The following DIP2A variants were observed in gnomAD, a reference collection of about 807,000 sequenced individuals.
DIP2A encodes the protein DIP2 acetate--CoA ligase A, also known as disco-interacting protein 2 homolog A.
DIP2A carries 85 observed loss-of-function variants against 177.4 expected under a neutral mutation model. The ratio of observed to expected loss-of-function variants is 0.48; its 90% CI spans 0.40 to 0.57. The LOEUF (loss-of-function observed/expected upper bound fraction) is 0.57. DIP2A is among the 20% of genes least tolerant of loss of function. The pLI, the probability that DIP2A is intolerant of heterozygous loss-of-function variation, is 0.00. For synonymous variants in DIP2A, 886 were observed against 881.8 expected (o/e 1.00, Z -0.08); for missense variants, 1,791 against 2,100.2 (o/e 0.85, Z 2.88).
chr21:46,525,116 ACC>A (rs2059018648), intron 8 of DIP2A, among the ~76,000 whole-genome samples: 1 of 151,396 alleles, frequency 6.6e-6, no homozygotes. Context: ...CGAACTCCTG[ACC>A]TCAGGTGATC....
At position 46,522,811 on chromosome 21, in the gene DIP2A, G is replaced by A. The variant is rs73373915; in HGVS notation, c.1103-6281G>A. ...GGAAAACAGAGGTTCTTCCCAAAAT[G>A]GGGTCTGTGGCTCCTCCTCTGTTTC... On this transcript the variant is annotated intron_variant, in intron 8 of 37. Coordinates refer to ENST00000417564, the MANE Select transcript of DIP2A (RefSeq NM_015151.4). Among the ~76,000 whole-genome samples the A allele has an allele frequency of 2.7e-3, 414 of 152,284 alleles. 3 individuals carry two copies. Among genetic ancestry groups the A allele is most frequent in the African/African-American group, 9.5e-3 (393 of 41,562 alleles).
rs757490648 is a variant in DIP2A, at chr21:46,554,633, C to T, written c.3213C>T (p.Thr1071=). ...GCLYCGCVPV[T]VRPPHPQNLG... Reference sequence around the variant, plus strand: ...TGTACTGTGGCTGCGTGCCTGTCACCGTGCGGCCCCCGCACCCTCAGAACC... The same window carrying T: ...TGTACTGTGGCTGCGTGCCTGTCACTGTGCGGCCCCCGCACCCTCAGAACC... The change falls in exon 27 of 38, where the codon ACC becomes ACT. Residue 1071 remains threonine, a synonymous_variant. Transcript: ENST00000417564. 17 of 1,602,510 alleles carry T rather than the reference C, an allele frequency of 1.1e-5. No individual in the cohort carries two copies. The highest frequency in any genetic ancestry group is 4.5e-5 in the East Asian group (2 of 44,340).
chr21:46,554,021 T>C, intron 25 of DIP2A, 148 bp from the exon 26 acceptor site: 1 of 1,097,784 alleles, frequency 9.1e-7, no homozygotes, highest in Non-Finnish European at 1.2e-6. Flanking sequence ...ACACCAGCCG[T>C]ACGTCTAGGA....
intron 13 of DIP2A, among the ~76,000 whole-genome samples, chr21:46,536,565 C>T (rs1381351729): frequency 6.6e-6 from 1 of 152,184 alleles, no homozygotes; most frequent in Non-Finnish European, 1.5e-5. Flanking sequence ...TTCATCCCCA[C>T]CTCTTGATTC....
intron 32 of DIP2A, among the ~76,000 whole-genome samples, chr21:46,559,273 A>G (rs2060585423): frequency 6.6e-6 from 1 of 152,194 alleles, no homozygotes; most frequent in Non-Finnish European, 1.5e-5. Flanking sequence ...ATGGCTTTTT[A>G]GATAACCCTA....
intron 11 of DIP2A, 92 bp downstream of exon 11, chr21:46,533,739 C>T: frequency 6.4e-7 from 1 of 1,553,238 alleles, no homozygotes; most frequent in Non-Finnish European, 8.7e-7. Context: ...ACAGAGGTGT[C>T]TGGGTCTTCA....
rs2059382148 is a variant in DIP2A, at chr21:46,532,174, A to G, written c.1242A>G (p.Ala414=). 1 of 1,613,784 alleles carries G rather than the reference A, an allele frequency of 6.2e-7. No homozygotes were observed. The stretch of plus-strand genomic sequence containing the variant: ...GTGACCCTGTGATGTTCATGGTTGC[A>G]TTTTATGGGTGTCTCCTGGCAGAGC... The part of the protein sequence containing the change: ...PNSDPVMFMV[A]FYGCLLAELV... Residue 414 remains alanine (A), a synonymous_variant, in exon 10 of 38, where the codon GCA becomes GCG. Transcript: ENST00000417564.
intron 8 of DIP2A, among the ~76,000 whole-genome samples, chr21:46,520,132 C>T (rs2058762702): frequency 6.6e-6 from 1 of 152,074 alleles, no homozygotes; most frequent in African/African-American, 2.4e-5. Flanking sequence ...TCTCGGCCTC[C>T]TCAAGTGCTG....
chr21:46,561,988 G>T, intron 34 of DIP2A, 183 bp downstream of exon 34: 1 of 919,252 alleles, frequency 1.1e-6, no homozygotes, highest in Admixed American at 6.2e-5. Context: ...GAATTACTTA[G>T]TTATGTTTTT....
intron 8 of DIP2A, among the ~76,000 whole-genome samples, chr21:46,523,545 C>T (rs970419085): frequency 6.6e-6 from 1 of 151,824 alleles, no homozygotes; most frequent in African/African-American, 2.4e-5. Flanking sequence ...GCACCTGGCC[C>T]ATAGTGCTTT....
intron 8 of DIP2A, among the ~76,000 whole-genome samples, chr21:46,519,855 A>AT (rs59574579): frequency 0.012 from 634 of 53,012 alleles, 194 homozygotes; most frequent in Non-Finnish European, 0.014. Context: ...ATTGATCTAG[A>AT]TTTTTTTTTT....
At chr21:46,546,216 T>C (rs1054916260) in intron 20 of DIP2A, 1 of 1,300,814 alleles carries the variant, frequency 7.7e-7, no homozygotes. Flanking sequence ...TTGCTTTTTA[T>C]ATGGAGTGGC....
intron 6 of DIP2A, among the ~76,000 whole-genome samples, 198 bp downstream of exon 6, chr21:46,504,687 G>C (rs1319839834): frequency 1.3e-5 from 2 of 152,244 alleles, no homozygotes; most frequent in African/African-American, 4.8e-5. Flanking sequence ...AAATATCAAT[G>C]GAATTGGTCA....
rs763414948 is a variant in DIP2A, at chr21:46,554,678, C to T, written c.3258C>T (p.Thr1086=). The T allele has an allele frequency of 3.2e-6, 5 of 1,572,360 alleles. No individual in the cohort carries two copies. Among genetic ancestry groups the T allele is most frequent in the African/African-American group, 1.4e-5 (1 of 73,970 alleles). The part of the protein sequence containing the change: ...HPQNLGTTLP[T]VKMIVEVSKS... Reference sequence around the variant, plus strand: ...AGAACCTCGGCACCACACTGCCCACCGTCAAGATGATCGTGGAGGTGCGCC... The same window carrying T: ...AGAACCTCGGCACCACACTGCCCACTGTCAAGATGATCGTGGAGGTGCGCC... Residue 1086 remains threonine, a synonymous_variant, in exon 27 of 38, where the codon ACC becomes ACT. Coordinates refer to ENST00000417564, the MANE Select transcript of DIP2A (RefSeq NM_015151.4).
chr21:46,545,968 A>G lies in DIP2A; in HGVS notation c.2394+7A>G. 1 of 1,613,944 alleles carries G rather than the reference A, an allele frequency of 6.2e-7. No individual in the cohort carries two copies. Among genetic ancestry groups the G allele is most frequent in the Non-Finnish European group, 8.5e-7 (1 of 1,179,884 alleles). ...GCTGGGCTTCATCGGGCCTGTGAGT[A>G]TGTCCTCCTGTACCAGCACTGGCAG... On this transcript the variant is annotated splice_region_variant and intron_variant, in intron 20 of 37. Transcript: ENST00000417564.
Position 46,554,682 on chromosome 21 carries a change from A to C in DIP2A, c.3262A>C (p.Lys1088Gln). 2 of 1,571,686 alleles carry C rather than the reference A, an allele frequency of 1.3e-6. No individual in the cohort carries two copies. The highest frequency in any genetic ancestry group is 1.7e-6 in the Non-Finnish European group (2 of 1,159,358). The change falls in exon 27 of 38, where the codon AAG becomes CAG. Residue 1088 changes from lysine (K) to glutamine (Q), a missense_variant. Coordinates refer to ENST00000417564, the MANE Select transcript of DIP2A (RefSeq NM_015151.4). ...QNLGTTLPTV[K>Q]MIVEVSKSAC... is the part of the protein sequence containing the mutation. Reference sequence around the variant, plus strand: ...CCTCGGCACCACACTGCCCACCGTCAAGATGATCGTGGAGGTGCGCCTACC... The same window carrying C: ...CCTCGGCACCACACTGCCCACCGTCCAGATGATCGTGGAGGTGCGCCTACC...
At chr21:46,514,270 TA>T (rs989213477) in intron 8 of DIP2A, among the ~76,000 whole-genome samples, 3 of 151,542 alleles carry the variant, frequency 2.0e-5, no homozygotes, top group East Asian at 1.9e-4. Context: ...CCGTCTCTAC[TA>T]AAAAAAATAC....
chr21:46,495,281 T>TCTCTCTCTCTCTC (rs1555883154), intron 3 of DIP2A, among the ~76,000 whole-genome samples: 5 of 147,492 alleles, frequency 3.4e-5, no homozygotes, highest in African/African-American at 5.0e-5. Flanking sequence ...TCTCTCTCTG[T>TCTCTCTCTCTCTC]TTTTGAGATG....
At chr21:46,500,896 A>G (rs1025206316) in intron 5 of DIP2A, among the ~76,000 whole-genome samples, 3 of 152,214 alleles carry the variant, frequency 2.0e-5, no homozygotes, top group Admixed American at 6.5e-5. Flanking sequence ...CTGCAGATGC[A>G]GCTGTAATCA....
Sources: gnomAD v4.1 joint callset for allele counts (sites outside exome capture counted in the v4.1 genomes callset) on GRCh38, gnomAD v4.1.1 for gene constraint, MANE v1.5 for transcripts, NCBI Gene and HGNC (gene_info 2026-07-23, HGNC 2026-07-21) for gene names.